Variants in THSD7B observed in about 807,000 individuals in gnomAD.
THSD7B encodes thrombospondin type 1 domain containing 7B, also known as thrombospondin type-1 domain-containing protein 7B.
A neutral mutation model predicts 213.6 loss-of-function variants in THSD7B; 138 were observed. The ratio of observed to expected loss-of-function variants is 0.65; its 90% CI spans 0.56 to 0.74. The LOEUF is 0.74. Ranked by LOEUF, THSD7B falls within the 30% of genes least tolerant of loss-of-function variation. The probability of loss-of-function intolerance (pLI) is 0.00; values close to 1 mark genes in which losing one functional copy is unlikely to be tolerated. For missense variants in THSD7B, 1,931 were observed against 1,991.5 expected, an observed-to-expected ratio of 0.97 and a Z score of 0.58; for synonymous variants, 742 against 687.0, an observed-to-expected ratio of 1.08 and a Z score of -1.25.
chr2:137,024,092 G>A (rs1204501306), intron 2 of THSD7B, among the ~76,000 whole-genome samples: 1 of 151,896 alleles, frequency 6.6e-6, no homozygotes, highest in Non-Finnish European at 1.5e-5. Flanking sequence ...TCCCTCCTTG[G>A]GTCCTCACTT....
intron 17 of THSD7B, among the ~76,000 whole-genome samples, chr2:137,609,961 A>G (rs1289904040): frequency 1.3e-5 from 2 of 152,166 alleles, no homozygotes; most frequent in Non-Finnish European, 2.9e-5. Flanking sequence ...TGTAAGAAAA[A>G]TAAGGGAGTC....
At chr2:137,168,590 C>G (rs187605450) in intron 6 of THSD7B, among the ~76,000 whole-genome samples, 16 of 152,244 alleles carry the variant, frequency 1.1e-4, no homozygotes, top group African/African-American at 3.9e-4. Flanking sequence ...ATGGATGCAA[C>G]TTGATTTATG....
intron 3 of THSD7B, among the ~76,000 whole-genome samples, chr2:137,080,828 A>G (rs1286306217): frequency 6.6e-6 from 1 of 152,066 alleles, no homozygotes; most frequent in South Asian, 2.1e-4. Flanking sequence ...TTGCTTTACA[A>G]TTGTATATTT....
At chr2:137,020,275 G>A (rs1686418141) in intron 2 of THSD7B, among the ~76,000 whole-genome samples, 1 of 152,158 alleles carries the variant, frequency 6.6e-6, no homozygotes, top group Admixed American at 6.6e-5. Context: ...TCTGAGGGAA[G>A]CAAGTGGACC....
chr2:137,212,425 T>G (rs973069245), intron 7 of THSD7B, among the ~76,000 whole-genome samples: 3 of 152,098 alleles, frequency 2.0e-5, no homozygotes, highest in African/African-American at 7.2e-5. Context: ...TGACAAGATT[T>G]GGGAATGCTT....
At chr2:137,344,524 T>C (rs1684832468) in intron 12 of THSD7B, among the ~76,000 whole-genome samples, 1 of 151,698 alleles carries the variant, frequency 6.6e-6, no homozygotes, top group African/African-American at 2.4e-5. Flanking sequence ...AAAAAGATGC[T>C]GCTTTATATG....
At chr2:136,785,618 C>A (rs72975542) in intron 1 of THSD7B, among the ~76,000 whole-genome samples, 6,770 of 152,200 alleles carry the variant, frequency 0.044, 192 homozygotes, top group South Asian at 0.11. Flanking sequence ...ATCGGCAAAC[C>A]CAAAAGTAAA....
intron 17 of THSD7B, among the ~76,000 whole-genome samples, chr2:137,589,382 A>T (rs1239341146): frequency 1.3e-5 from 2 of 152,334 alleles, no homozygotes; most frequent in South Asian, 2.1e-4. Flanking sequence ...ATAAAACTTT[A>T]GTGTCCAACC....
At chr2:137,384,524 G>A (rs1029463741) in intron 12 of THSD7B, among the ~76,000 whole-genome samples, 7 of 151,926 alleles carry the variant, frequency 4.6e-5, no homozygotes, top group Non-Finnish European at 1.5e-5. Context: ...GTAGGGAAAG[G>A]AAGTAGCACA....
intron 6 of THSD7B, among the ~76,000 whole-genome samples, chr2:137,164,582 T>TA (rs1046959660): frequency 1.3e-5 from 2 of 152,174 alleles, no homozygotes; most frequent in Non-Finnish European, 2.9e-5. Flanking sequence ...CATGCACACA[T>TA]ATGTTTGTTG....
intron 2 of THSD7B, among the ~76,000 whole-genome samples, chr2:136,996,779 T>C (rs1685899246): frequency 6.6e-6 from 1 of 152,218 alleles, no homozygotes; most frequent in African/African-American, 2.4e-5. Flanking sequence ...CCAAAACAAA[T>C]ACTTCTAGCA....
intron 3 of THSD7B, among the ~76,000 whole-genome samples, chr2:137,066,869 TAGTCTTTTA>T (rs1159480068): frequency 6.6e-6 from 1 of 152,122 alleles, no homozygotes; most frequent in Admixed American, 6.6e-5. Flanking sequence ...AGTTCTTGGA[TAGTCTTTTA>T]AGTCTTTTTT....
intron 14 of THSD7B, among the ~76,000 whole-genome samples, chr2:137,412,825 G>A (rs183763225): frequency 5.3e-5 from 8 of 150,958 alleles, no homozygotes; most frequent in African/African-American, 1.9e-4. Context: ...GGTGAAAATT[G>A]GTGAAACAGG....
chr2:137,495,539 C>A (rs553488739), intron 15 of THSD7B, among the ~76,000 whole-genome samples: 2 of 152,092 alleles, frequency 1.3e-5, no homozygotes, highest in Non-Finnish European at 2.9e-5. Flanking sequence ...AATTTCATCG[C>A]CCCAAGGATT....
chr2:137,468,275 C>T (rs1027532765), intron 15 of THSD7B, among the ~76,000 whole-genome samples: 11 of 151,988 alleles, frequency 7.2e-5, no homozygotes, highest in African/African-American at 2.4e-4. Context: ...TTTAGATATA[C>T]AGTTGCTATA....
chr2:137,038,527 G>A (rs964419186), intron 2 of THSD7B, among the ~76,000 whole-genome samples: 1 of 152,144 alleles, frequency 6.6e-6, no homozygotes. Context: ...TAGACTAGAC[G>A]GAACAGCTGG....
chr2:136,922,026 G>A (rs974510983), intron 2 of THSD7B, among the ~76,000 whole-genome samples: 14 of 152,210 alleles, frequency 9.2e-5, no homozygotes, highest in Middle Eastern at 3.4e-3. Context: ...ATTTTCAAGG[G>A]AATAAAAATC....
At chr2:137,159,247 C>T (rs1679965337) in intron 5 of THSD7B, among the ~76,000 whole-genome samples, 1 of 151,890 alleles carries the variant, frequency 6.6e-6, no homozygotes, top group Non-Finnish European at 1.5e-5. Flanking sequence ...GCCTAGGGAA[C>T]ATAGGGAGAC....
chr2:136,887,661 C>G (rs1245840969), intron 2 of THSD7B, among the ~76,000 whole-genome samples: 2 of 152,060 alleles, frequency 1.3e-5, no homozygotes, highest in Non-Finnish European at 2.9e-5. Context: ...TGAGGTCTCA[C>G]CAGAAGCAGA....
Sources: allele counts gnomAD v4.1 joint callset (sites outside exome capture counted in the v4.1 genomes callset), GRCh38; gene constraint gnomAD v4.1.1; transcripts MANE v1.5; gene names NCBI Gene and HGNC (gene_info 2026-07-23, HGNC 2026-07-21).